Variants in ASB3 observed in about 807,000 individuals in gnomAD.
ASB3 encodes ankyrin repeat and SOCS box containing 3.
A neutral mutation model predicts 54.5 loss-of-function variants in ASB3; 41 were observed. The observed-to-expected ratio is 0.75, with a 90% CI of 0.59 to 0.98. The LOEUF (loss-of-function observed/expected upper bound fraction) is 0.98, where lower values mean the gene tolerates loss of function less well. ASB3 is among the 50% of genes least tolerant of loss of function. ASB3 has a pLI of 0.00. For synonymous variants in ASB3, 266 were observed against 221.2 expected, an observed-to-expected ratio of 1.20 and a Z score of -1.80; for missense variants, 733 against 620.0, an observed-to-expected ratio of 1.18 and a Z score of -1.94.
chr2:53,766,565 C>T (rs1270559750), intron 1 of ASB3, among the ~76,000 whole-genome samples: 1 of 152,010 alleles, frequency 6.6e-6, no homozygotes, highest in Non-Finnish European at 1.5e-5. Flanking sequence ...AATGTCATAA[C>T]ACAAGCAACT....
chr2:53,676,262 G>A (rs1431463957), intron 9 of ASB3, among the ~76,000 whole-genome samples: 2 of 152,172 alleles, frequency 1.3e-5, no homozygotes, highest in Admixed American at 6.5e-5. Flanking sequence ...ACTACTTCGT[G>A]CAATTCTGGA....
intron 9 of ASB3, among the ~76,000 whole-genome samples, chr2:53,678,167 G>T (rs1333159846): frequency 1.3e-5 from 2 of 152,152 alleles, no homozygotes; most frequent in African/African-American, 4.8e-5. Context: ...GTGCATGTGT[G>T]TGCCTAAAAT....
intron 9 of ASB3, among the ~76,000 whole-genome samples, chr2:53,676,722 G>A (rs1266851924): frequency 6.6e-6 from 1 of 152,076 alleles, no homozygotes; most frequent in Non-Finnish European, 1.5e-5. Context: ...TTCCTAGTAA[G>A]TGCCCTATAC....
At chr2:53,747,953 T>A (rs946099089) in intron 3 of ASB3, among the ~76,000 whole-genome samples, 1 of 152,244 alleles carries the variant, frequency 6.6e-6, no homozygotes, top group African/African-American at 2.4e-5. Flanking sequence ...TCAATAAACA[T>A]GTTTTTAATA....
At chr2:53,730,937 T>C (rs766230824) in intron 3 of ASB3, among the ~76,000 whole-genome samples, 1 of 152,104 alleles carries the variant, frequency 6.6e-6, no homozygotes, top group East Asian at 1.9e-4. Context: ...TAGAAAACAC[T>C]AATACACATG....
At chr2:53,758,945 T>C (rs914583284) in intron 2 of ASB3, among the ~76,000 whole-genome samples, 16 of 152,186 alleles carry the variant, frequency 1.1e-4, no homozygotes, top group African/African-American at 3.6e-4. Flanking sequence ...TAGACCTAGG[T>C]AAATTATCAG....
At chr2:53,784,446 G>C (rs1674822286) in intron 1 of ASB3, among the ~76,000 whole-genome samples, 1 of 152,152 alleles carries the variant, frequency 6.6e-6, no homozygotes, top group South Asian at 2.1e-4. Context: ...TGTAACAAAT[G>C]ACCACAAACT....
At chr2:53,750,535 C>T (rs776534511) in intron 3 of ASB3, among the ~76,000 whole-genome samples, 8 of 151,962 alleles carry the variant, frequency 5.3e-5, no homozygotes, top group Non-Finnish European at 8.8e-5. Flanking sequence ...AATGATGGTG[C>T]CTACAATTCG....
Position 53,700,274 on chromosome 2 carries a change from G to T in ASB3, c.1235C>A (p.Ser412Tyr). ...CGACTATGGTAGAATTTCTTACCAA[G>T]AATTGCACAGTAGAATCAGTGGGTC... ...GFDPLILLCN[S>Y]WIDSVSIDTL... The change falls in exon 8 of 10, where the codon TCT becomes TAT. Residue 412 changes from serine to tyrosine, a missense_variant. Physicochemically the swap from Ser to Tyr is moderately radical, Grantham distance 144. Transcript: ENST00000263634. The T allele has an allele frequency of 6.2e-7, 1 of 1,612,258 alleles. No homozygotes were observed. The highest frequency in any genetic ancestry group is 1.7e-5 in the Admixed American group (1 of 59,772).
intron 3 of ASB3, among the ~76,000 whole-genome samples, chr2:53,741,779 T>C (rs1221065903): frequency 6.6e-6 from 1 of 152,120 alleles, no homozygotes; most frequent in Non-Finnish European, 1.5e-5. Flanking sequence ...TTAGAAATCA[T>C]CCAAAAGCAA....
chr2:53,765,617 G>C (rs1422788919), intron 1 of ASB3, 32 bp from the exon 2 acceptor site: 1 of 1,612,590 alleles, frequency 6.2e-7, no homozygotes, highest in African/African-American at 1.3e-5. Context: ...TAATACTATA[G>C]TCAATAAAAC....
chr2:53,761,934 A>G (rs1056941157), intron 2 of ASB3, among the ~76,000 whole-genome samples: 8 of 152,262 alleles, frequency 5.3e-5, no homozygotes, highest in Non-Finnish European at 1.2e-4. Context: ...ATCTATCAAT[A>G]GAAGAATGGT....
intron 5 of ASB3, among the ~76,000 whole-genome samples, chr2:53,726,232 G>C (rs546391365): frequency 1.3e-5 from 2 of 151,364 alleles, no homozygotes; most frequent in South Asian, 4.2e-4. Flanking sequence ...AGACATTAAG[G>C]TGCAGTTTAA....
intron 9 of ASB3, among the ~76,000 whole-genome samples, chr2:53,674,613 A>G (rs1667984077): frequency 6.6e-6 from 1 of 152,182 alleles, no homozygotes; most frequent in African/African-American, 2.4e-5. Flanking sequence ...GCCTTCCCTC[A>G]GGCCAATGTT....
At chr2:53,743,429 C>G (rs1213261924) in intron 3 of ASB3, among the ~76,000 whole-genome samples, 1 of 152,096 alleles carries the variant, frequency 6.6e-6, no homozygotes, top group South Asian at 2.1e-4. Context: ...GCCAAAATAA[C>G]TGGTGATAAA....
chr2:53,744,458 T>TA (rs1256576358), intron 3 of ASB3, among the ~76,000 whole-genome samples: 2 of 151,812 alleles, frequency 1.3e-5, no homozygotes, highest in South Asian at 2.1e-4. Flanking sequence ...ACCATAAAAC[T>TA]AAAAAAACAA....
At chr2:53,774,149 T>C in intron 1 of ASB3, 1 of 1,603,716 alleles carries the variant, frequency 6.2e-7, no homozygotes, top group Non-Finnish European at 8.5e-7. Flanking sequence ...CAGGGATGTG[T>C]ATGGGGTGTT....
At chr2:53,765,741 C>T (rs936566389) in intron 1 of ASB3, among the ~76,000 whole-genome samples, 156 bp from the exon 2 acceptor site, 1 of 152,198 alleles carries the variant, frequency 6.6e-6, no homozygotes, top group Non-Finnish European at 1.5e-5. Flanking sequence ...ACAGTCTCTG[C>T]TGGTGCCTAA....
intron 3 of ASB3, among the ~76,000 whole-genome samples, chr2:53,734,471 A>C (rs1179473502): frequency 6.6e-6 from 1 of 152,166 alleles, no homozygotes; most frequent in African/African-American, 2.4e-5. Flanking sequence ...CCCACAAATC[A>C]CTCATTCATT....
Sources: allele counts gnomAD v4.1 joint callset (sites outside exome capture counted in the v4.1 genomes callset), GRCh38; gene constraint gnomAD v4.1.1; transcripts MANE v1.5; gene names NCBI Gene and HGNC (gene_info 2026-07-23, HGNC 2026-07-21).